The following DYNC1I1 variants were observed in gnomAD, a reference collection of about 807,000 sequenced individuals.
DYNC1I1 encodes dynein cytoplasmic 1 intermediate chain 1.
DYNC1I1 carries 43 observed loss-of-function variants against 86.6 expected under a neutral mutation model. That is an observed-to-expected ratio of 0.50 (90% confidence interval 0.39 to 0.64). DYNC1I1 has a LOEUF of 0.64. Among genes scored for constraint, DYNC1I1 ranks in the 30% least tolerant of loss-of-function variants. DYNC1I1 has a pLI of 0.00. For synonymous variants in DYNC1I1, 262 were observed against 283.7 expected, an observed-to-expected ratio of 0.92 and a Z score of 0.77; for missense variants, 604 against 788.8, an observed-to-expected ratio of 0.77 and a Z score of 2.81.
At chr7:95,816,822 AATATG>A (rs1453029092) in intron 4 of DYNC1I1, among the ~76,000 whole-genome samples, 1 of 152,228 alleles carries the variant, frequency 6.6e-6, no homozygotes, top group African/African-American at 2.4e-5. Flanking sequence ...TAATCATTGC[AATATG>A]TACTTAAATT....
chr7:95,886,497 A>G (rs79873948), intron 6 of DYNC1I1, among the ~76,000 whole-genome samples: 2 of 152,002 alleles, frequency 1.3e-5, no homozygotes, highest in Admixed American at 6.6e-5. Flanking sequence ...GAAAAAAAAA[A>G]TTAAGACTTA....
intron 16 of DYNC1I1, among the ~76,000 whole-genome samples, chr7:96,087,338 T>G (rs1056998121): frequency 6.6e-6 from 1 of 152,202 alleles, no homozygotes; most frequent in Non-Finnish European, 1.5e-5. Context: ...ATAACCGTGC[T>G]TTATGAAGGC....
chr7:95,917,772 C>T (rs970572084), intron 6 of DYNC1I1, among the ~76,000 whole-genome samples: 6 of 152,210 alleles, frequency 3.9e-5, no homozygotes, highest in Non-Finnish European at 5.9e-5. Context: ...ACTGGGCACT[C>T]GCCGTCCTTC....
intron 16 of DYNC1I1, among the ~76,000 whole-genome samples, chr7:96,090,531 AC>A (rs1046173663): frequency 3.3e-5 from 5 of 151,824 alleles, no homozygotes; most frequent in Admixed American, 6.6e-5. Context: ...TAAAAAAAAA[AC>A]GTGGTAAAAA....
chr7:95,874,801 C>A (rs1790265422), intron 6 of DYNC1I1, among the ~76,000 whole-genome samples: 1 of 152,194 alleles, frequency 6.6e-6, no homozygotes, highest in Non-Finnish European at 1.5e-5. Flanking sequence ...GACTTCCCAG[C>A]TTCCAGAACT....
At chr7:95,989,407 G>C (rs913787164) in intron 9 of DYNC1I1, among the ~76,000 whole-genome samples, 20 of 152,190 alleles carry the variant, frequency 1.3e-4, no homozygotes, top group African/African-American at 4.3e-4. Flanking sequence ...GTGTGTGGGT[G>C]GTCTCTGAGC....
chr7:95,965,825 A>G (rs1792997603), intron 6 of DYNC1I1, among the ~76,000 whole-genome samples: 1 of 152,204 alleles, frequency 6.6e-6, no homozygotes, highest in South Asian at 2.1e-4. Context: ...TACTTATGCC[A>G]AAAGAAAGTT....
chr7:95,920,975 G>A lies in DYNC1I1; in HGVS notation c.490+50977G>A, dbSNP rs558055016. ...CTGAGTAACTTAGTAGTAGATGGCCGCTTTCACATTCAGTCAAGAATTGTG... is the reference window on the plus strand; with the variant it reads ...CTGAGTAACTTAGTAGTAGATGGCCACTTTCACATTCAGTCAAGAATTGTG... On this transcript the variant is annotated intron_variant, in intron 6 of 16. Transcript: ENST00000447467. 2.6e-5 allele frequency among the ~76,000 whole-genome samples: 4 copies of A among 152,260 alleles called. No individual in the cohort carries two copies. In the South Asian group the frequency reaches 6.2e-4, roughly 24 times the overall value.
At chr7:95,810,853 T>C (rs1389066751) in intron 3 of DYNC1I1, among the ~76,000 whole-genome samples, 1 of 152,110 alleles carries the variant, frequency 6.6e-6, no homozygotes, top group Non-Finnish European at 1.5e-5. Flanking sequence ...CTCATTTTCA[T>C]TGCTGAGTTC....
intron 6 of DYNC1I1, among the ~76,000 whole-genome samples, chr7:95,921,237 A>T: frequency 6.6e-6 from 1 of 152,194 alleles, no homozygotes; most frequent in East Asian, 1.9e-4. Flanking sequence ...AAGATGTGTA[A>T]AATTTACCCT....
intron 9 of DYNC1I1, among the ~76,000 whole-genome samples, chr7:95,988,289 A>G (rs1793647323): frequency 6.6e-6 from 1 of 152,136 alleles, no homozygotes; most frequent in Non-Finnish European, 1.5e-5. Context: ...AGGCAGGAGA[A>G]TTGCTTGAAC....
At chr7:95,803,514 G>A (rs554094038) in intron 1 of DYNC1I1, among the ~76,000 whole-genome samples, 1 of 152,242 alleles carries the variant, frequency 6.6e-6, no homozygotes, top group Non-Finnish European at 1.5e-5. Context: ...TAGAAAAACA[G>A]TGTATTTCCC....
At chr7:96,036,514 C>T (rs941913378) in intron 13 of DYNC1I1, among the ~76,000 whole-genome samples, 12 of 152,286 alleles carry the variant, frequency 7.9e-5, no homozygotes, top group Admixed American at 3.9e-4. Context: ...CCTTATGCTT[C>T]TATAATAGCA....
chr7:95,987,958 C>T (rs1371888581), intron 9 of DYNC1I1, among the ~76,000 whole-genome samples: 1 of 152,204 alleles, frequency 6.6e-6, no homozygotes. Context: ...CTTTCCATGT[C>T]TTCACTCATG....
At chr7:95,962,678 C>T (rs764166892) in intron 6 of DYNC1I1, among the ~76,000 whole-genome samples, 2 of 152,118 alleles carry the variant, frequency 1.3e-5, no homozygotes, top group Non-Finnish European at 2.9e-5. Flanking sequence ...AATTAGCATC[C>T]CTCATTTACA....
intron 1 of DYNC1I1, among the ~76,000 whole-genome samples, chr7:95,788,657 A>G (rs909746652): frequency 3.3e-5 from 5 of 152,110 alleles, no homozygotes; most frequent in Non-Finnish European, 5.9e-5. Flanking sequence ...CCGTTTTTGT[A>G]TGGTTTAAGA....
chr7:96,103,810 T>A (rs1025577273), intron 16 of DYNC1I1, among the ~76,000 whole-genome samples: 2 of 152,036 alleles, frequency 1.3e-5, no homozygotes, highest in Non-Finnish European at 2.9e-5. Flanking sequence ...GACGGGGTTT[T>A]ACCGTGTTAG....
intron 6 of DYNC1I1, among the ~76,000 whole-genome samples, chr7:95,911,300 C>T (rs372924012): frequency 2.0e-5 from 3 of 152,136 alleles, no homozygotes; most frequent in East Asian, 1.9e-4. Context: ...GTCATGATGG[C>T]GAGGAGAAGT....
chr7:96,016,731 C>CT (rs1794411185), intron 10 of DYNC1I1, among the ~76,000 whole-genome samples: 1 of 152,072 alleles, frequency 6.6e-6, no homozygotes, highest in Non-Finnish European at 1.5e-5. Context: ...GAAGCTGGCT[C>CT]TTTTTTTACA....
Sources: allele counts gnomAD v4.1 joint callset (sites outside exome capture counted in the v4.1 genomes callset), GRCh38; gene constraint gnomAD v4.1.1; transcripts MANE v1.5; gene names NCBI Gene and HGNC (gene_info 2026-07-23, HGNC 2026-07-21).